PPP2R2C: variants seen among roughly 807,000 people sequenced by gnomAD.
PPP2R2C encodes protein phosphatase 2 regulatory subunit Bgamma.
Under a neutral mutation model 45.3 loss-of-function variants are expected in PPP2R2C, and 10 were observed. That is an observed-to-expected ratio of 0.22 (90% CI 0.14 to 0.37). The LOEUF is 0.37. PPP2R2C is among the 10% of genes least tolerant of loss of function. The pLI is 1.00. For missense variants in PPP2R2C, 308 were observed against 619.7 expected, an observed-to-expected ratio of 0.50 and a Z score of 5.34; for synonymous variants, 257 against 245.4, an observed-to-expected ratio of 1.05 and a Z score of -0.44.
At chr4:6,414,012 C>T in intron 1 of PPP2R2C, 2 of 1,531,978 alleles carry the variant, frequency 1.3e-6, no homozygotes, top group Admixed American at 2.0e-5. Context: ...TGGCCAAAAC[C>T]AGATCTATGT....
At chr4:6,542,709 A>AAAAAAAAAAAAAAG (rs112182178) in intron 1 of PPP2R2C, among the ~76,000 whole-genome samples, 7 of 127,828 alleles carry the variant, frequency 5.5e-5, no homozygotes, top group South Asian at 2.4e-4. Context: ...TCTCAAAAAA[A>AAAAAAAAAAAAAAG]AAAAAGAAAA....
chr4:6,407,344 C>T (rs954847354), intron 1 of PPP2R2C, among the ~76,000 whole-genome samples: 1 of 152,210 alleles, frequency 6.6e-6, no homozygotes, highest in African/African-American at 2.4e-5. Flanking sequence ...ACTAATCCTC[C>T]AAAACTCCAG....
chr4:6,442,753 C>T (rs181835406), intron 1 of PPP2R2C, among the ~76,000 whole-genome samples: 156 of 152,296 alleles, frequency 1.0e-3, no homozygotes, highest in Non-Finnish European at 1.9e-3. Context: ...GGAGAGGTTA[C>T]GCAACTCACC....
chr4:6,392,462 C>T (rs1039627200), intron 1 of PPP2R2C, among the ~76,000 whole-genome samples: 3 of 152,032 alleles, frequency 2.0e-5, no homozygotes, highest in Non-Finnish European at 2.9e-5. Context: ...GCTGTTTTAG[C>T]TGGGGAGGCC....
At chr4:6,539,692 G>A (rs180906488) in intron 1 of PPP2R2C, among the ~76,000 whole-genome samples, 2 of 152,214 alleles carry the variant, frequency 1.3e-5, no homozygotes, top group Admixed American at 6.5e-5. Flanking sequence ...AAGTGCGTGG[G>A]GAAATGGAAG....
intron 8 of PPP2R2C, among the ~76,000 whole-genome samples, chr4:6,326,862 C>T (rs1324459422): frequency 6.6e-6 from 1 of 152,212 alleles, no homozygotes. Context: ...AGCAGCGGCG[C>T]TCTGCGGGCC....
chr4:6,344,108 C>T (rs73076912), intron 6 of PPP2R2C, among the ~76,000 whole-genome samples: 1 of 152,158 alleles, frequency 6.6e-6, no homozygotes, highest in Non-Finnish European at 1.5e-5. Context: ...GCCCCAAGGT[C>T]GCCCAGGCAC....
chr4:6,458,353 G>C (rs1302232625), intron 1 of PPP2R2C, among the ~76,000 whole-genome samples: 1 of 152,174 alleles, frequency 6.6e-6, no homozygotes, highest in African/African-American at 2.4e-5. Flanking sequence ...CCAAGATCAA[G>C]GCACAGCAGA....
At chr4:6,453,083 C>T (rs1720825663) in intron 1 of PPP2R2C, among the ~76,000 whole-genome samples, 4 of 152,204 alleles carry the variant, frequency 2.6e-5, no homozygotes, top group Admixed American at 6.5e-5. Context: ...TCCCACTGCT[C>T]ATCATAAAGA....
At chr4:6,400,508 T>G (rs1229511657) in intron 1 of PPP2R2C, among the ~76,000 whole-genome samples, 1 of 152,232 alleles carries the variant, frequency 6.6e-6, no homozygotes, top group African/African-American at 2.4e-5. Flanking sequence ...GGAGCCACAA[T>G]AATTTTTAAG....
At chr4:6,430,420 A>G (rs968186428) in intron 1 of PPP2R2C, among the ~76,000 whole-genome samples, 8 of 152,200 alleles carry the variant, frequency 5.3e-5, no homozygotes, top group Admixed American at 3.3e-4. Flanking sequence ...AAGGGGACTG[A>G]GAGGTCCAAG....
At chr4:6,371,952 G>A (rs115971028) in intron 5 of PPP2R2C, among the ~76,000 whole-genome samples, 1,536 of 152,246 alleles carry the variant, frequency 0.01, 19 homozygotes, top group African/African-American at 0.034. Context: ...GTCATCACCA[G>A]CTCTCTTCCC....
At chr4:6,447,901 A>T (rs191499111) in intron 1 of PPP2R2C, among the ~76,000 whole-genome samples, 233 of 152,242 alleles carry the variant, frequency 1.5e-3, no homozygotes, top group African/African-American at 5.2e-3. Flanking sequence ...CACAGTGAGA[A>T]TCGTATGCAT....
intron 1 of PPP2R2C, among the ~76,000 whole-genome samples, chr4:6,408,708 C>G (rs192581291): frequency 1.3e-5 from 2 of 152,074 alleles, no homozygotes; most frequent in Admixed American, 6.5e-5. Context: ...TTAAACAAGT[C>G]CCTGAGCACT....
At chr4:6,499,367 CCCCATCCTTCTCT>C (rs1722973966) in intron 2 of PPP2R2C, among the ~76,000 whole-genome samples, 1 of 152,196 alleles carries the variant, frequency 6.6e-6, no homozygotes. Flanking sequence ...CCTCACCCCA[CCCCATCCTTCTCT>C]CCCTTCGGCT....
At chr4:6,532,717 C>T (rs1467756327) in intron 2 of PPP2R2C, among the ~76,000 whole-genome samples, 1 of 152,182 alleles carries the variant, frequency 6.6e-6, no homozygotes, top group African/African-American at 2.4e-5. Flanking sequence ...CTGTTCTTCC[C>T]AAATTAACCC....
intron 1 of PPP2R2C, chr4:6,381,435 G>C (rs535500489): frequency 1.4e-6 from 2 of 1,392,034 alleles, no homozygotes; most frequent in African/African-American, 2.9e-5. Flanking sequence ...TCATCCTCCT[G>C]TCTTGAATCT....
intron 1 of PPP2R2C, chr4:6,383,933 A>C: frequency 1.0e-6 from 1 of 986,270 alleles, no homozygotes. Flanking sequence ...TTGAGGCAAC[A>C]GAAAAGATTG....
At chr4:6,444,964 C>A (rs1334164963) in intron 1 of PPP2R2C, among the ~76,000 whole-genome samples, 1 of 152,186 alleles carries the variant, frequency 6.6e-6, no homozygotes, top group African/African-American at 2.4e-5. Flanking sequence ...GCAGGTGGAT[C>A]CCTTCAGCCT....
Sources: allele counts gnomAD v4.1 joint callset (sites outside exome capture counted in the v4.1 genomes callset), GRCh38; gene constraint gnomAD v4.1.1; transcripts MANE v1.5; gene names NCBI Gene and HGNC (gene_info 2026-07-23, HGNC 2026-07-21).